DBT: variants seen among roughly 807,000 people sequenced by gnomAD.
DBT encodes the protein lipoamide acyltransferase component of branched-chain alpha-keto acid dehydrogenase complex, mitochondrial.
A neutral mutation model predicts 51.3 loss-of-function variants in DBT; 40 were observed. The observed-to-expected ratio is 0.78, with a 90% CI of 0.61 to 1.02. DBT has a LOEUF of 1.02. DBT is among the 50% of genes least tolerant of loss of function. DBT has a pLI of 0.00. For missense variants in DBT, 510 were observed against 580.2 expected (o/e 0.88, Z 1.24); for synonymous variants, 181 against 190.4 (o/e 0.95, Z 0.41).
chr1:100,213,822 G>A (rs1242962958), intron 7 of DBT, among the ~76,000 whole-genome samples: 1 of 152,180 alleles, frequency 6.6e-6, no homozygotes, highest in African/African-American at 2.4e-5. Flanking sequence ...TTCCCGGAGC[G>A]TGGAGAGGCA....
chr1:100,238,178 TTCCTTCCCTCCTTCCTTCCTTCCCTCC>T lies in DBT; in HGVS notation c.175+2556_175+2582del, dbSNP rs1663997130. On this transcript the variant is annotated intron_variant, in intron 2 of 10. Coordinates refer to ENST00000370132, the MANE Select transcript of DBT (RefSeq NM_001918.5). Reference sequence around the variant, plus strand: ...TTTCCCTCCTTCCTCCCTCGCTTCCTTCCTTCCCTCCTTCCTTCCTTCCCTCCTTCCTCCCTCGCTTCCTTTCCTCCC... The same window carrying T: ...TTTCCCTCCTTCCTCCCTCGCTTCCTTTCCTCCCTCGCTTCCTTTCCTCCC... Among the ~76,000 whole-genome samples the T allele has an allele frequency of 1.5e-4, 16 of 106,654 alleles. No homozygotes were observed. In the Admixed American group the frequency reaches 1.8e-3, roughly 12 times the overall value. The allele number at this position is 106,654 out of a possible 152,430, so 70.0% of individuals were successfully genotyped here. A position where few individuals can be genotyped will look rare whatever the true frequency, so the allele number is the denominator to read the frequency against.
At chr1:100,230,441 G>C (rs575412673) in intron 4 of DBT, among the ~76,000 whole-genome samples, 14 of 152,114 alleles carry the variant, frequency 9.2e-5, no homozygotes, top group Non-Finnish European at 1.6e-4. Context: ...TTACCCAGAG[G>C]AGAAAGGATG....
chr1:100,226,473 T>TG (rs1411949079), intron 4 of DBT, among the ~76,000 whole-genome samples: 7 of 151,814 alleles, frequency 4.6e-5, no homozygotes, highest in African/African-American at 1.7e-4. Flanking sequence ...TTTGTAGAGA[T>TG]GGGGTCTCGT....
chr1:100,196,544 C>A (rs1405880246), intron 10 of DBT, 122 bp from the exon 11 acceptor site: 1 of 1,415,600 alleles, frequency 7.1e-7, no homozygotes, highest in Non-Finnish European at 9.4e-7. Flanking sequence ...CTGTACAGTA[C>A]AGAAAAAAAT....
intron 3 of DBT, among the ~76,000 whole-genome samples, chr1:100,234,115 C>T (rs941062464): frequency 3.9e-5 from 6 of 152,230 alleles, no homozygotes; most frequent in Admixed American, 3.9e-4. Context: ...GGAACCTCTA[C>T]TTTACTTTTT....
At chr1:100,213,382 C>T (rs1662274493) in intron 7 of DBT, 18 of 1,554,696 alleles carry the variant, frequency 1.2e-5, no homozygotes, top group East Asian at 2.4e-5. Flanking sequence ...CGCACGGCTA[C>T]GGCGCCATCC....
intron 4 of DBT, among the ~76,000 whole-genome samples, chr1:100,225,175 C>G (rs935370110): frequency 2.0e-5 from 3 of 151,004 alleles, no homozygotes. Context: ...TCTATCACTT[C>G]CAGAAGTTTC....
chr1:100,203,136 T>C (rs1362019806), intron 10 of DBT, among the ~76,000 whole-genome samples: 3 of 151,988 alleles, frequency 2.0e-5, no homozygotes, highest in African/African-American at 4.8e-5. Flanking sequence ...AAAAAAACCC[T>C]TCAAAAAAAT....
intron 1 of DBT, among the ~76,000 whole-genome samples, chr1:100,244,044 C>T (rs1316983767): frequency 1.4e-5 from 1 of 73,540 alleles, no homozygotes; most frequent in South Asian, 4.2e-4. Context: ...GCCTAGGCAA[C>T]AAGAGCAAAA....
chr1:100,197,667 T>C (rs1007208730), intron 10 of DBT, among the ~76,000 whole-genome samples: 5 of 152,078 alleles, frequency 3.3e-5, no homozygotes, highest in Admixed American at 3.3e-4. Context: ...TTAGAGGGAA[T>C]AGGCAGTGAC....
intron 3 of DBT, 25 bp downstream of exon 3, chr1:100,235,411 A>T: frequency 8.8e-7 from 1 of 1,142,198 alleles, no homozygotes; most frequent in Non-Finnish European, 1.3e-6. Context: ...AAATTTACTT[A>T]AGAGCTTTTT....
Position 100,199,298 on chromosome 1 carries a change from TTAAC to T in DBT, c.1282-2880_1282-2877del, listed in dbSNP as rs534915251. 8.4e-3 allele frequency among the ~76,000 whole-genome samples: 1,278 copies of T among 152,346 alleles called. 10 individuals are homozygous for T. Among genetic ancestry groups the T allele is most frequent in the Non-Finnish European group, 0.013 (906 of 68,026 alleles). On this transcript the variant is annotated intron_variant, in intron 10 of 10. Transcript: ENST00000370132. ...CCCTAAGGTAAAGAAATCTGCGCTTTTAACTAACACTCCCAGTGATTCCTGAGCA... is the reference window on the plus strand; with the variant it reads ...CCCTAAGGTAAAGAAATCTGCGCTTTTAACACTCCCAGTGATTCCTGAGCA...
intron 1 of DBT, among the ~76,000 whole-genome samples, chr1:100,246,256 C>CA (rs1316514755): frequency 2.0e-5 from 3 of 151,086 alleles, no homozygotes; most frequent in African/African-American, 7.3e-5. Context: ...GACGCCGTCT[C>CA]AAAAAAAATA....
At chr1:100,244,223 A>G (rs984187782) in intron 1 of DBT, among the ~76,000 whole-genome samples, 2 of 152,230 alleles carry the variant, frequency 1.3e-5, no homozygotes, top group Non-Finnish European at 2.9e-5. Flanking sequence ...TTTAAGGCAG[A>G]GGAAACAGCA....
chr1:100,223,204 TC>T (rs1662972922), intron 4 of DBT, among the ~76,000 whole-genome samples: 1 of 152,162 alleles, frequency 6.6e-6, no homozygotes, highest in Admixed American at 6.6e-5. Context: ...ATTAATGATT[TC>T]TCTCAAAAAA....
chr1:100,213,379 C>T, intron 7 of DBT: 2 of 1,552,934 alleles, frequency 1.3e-6, no homozygotes, highest in East Asian at 4.8e-5. Flanking sequence ...GCCCGCACGG[C>T]TACGGCGCCA....
chr1:100,234,656 AG>A (rs1459064042), intron 3 of DBT, among the ~76,000 whole-genome samples: 1 of 152,176 alleles, frequency 6.6e-6, no homozygotes, highest in East Asian at 1.9e-4. Context: ...AGTGAGTCAC[AG>A]GTAGGACAGC....
At chr1:100,230,635 AAAAAAAC>A (rs1489757190) in intron 4 of DBT, 91 bp downstream of exon 4, 10 of 777,202 alleles carry the variant, frequency 1.3e-5, no homozygotes, top group Middle Eastern at 3.8e-4. Context: ...AATAGAAAAA[AAAAAAAC>A]AAAAAAACAA....
intron 4 of DBT, 104 bp downstream of exon 4, chr1:100,230,629 G>GAAAAAAAAA (rs11394110): frequency 3.4e-5 from 18 of 534,612 alleles, no homozygotes; most frequent in South Asian, 8.6e-5. Flanking sequence ...AATAGGAATA[G>GAAAAAAAAA]AAAAAAAAAA....
Sources: allele counts gnomAD v4.1 joint callset (sites outside exome capture counted in the v4.1 genomes callset), GRCh38; gene constraint gnomAD v4.1.1; transcripts MANE v1.5; gene names NCBI Gene and HGNC (gene_info 2026-07-23, HGNC 2026-07-21).